The following ZC3HAV1 variants were observed in gnomAD, a reference collection of about 807,000 sequenced individuals.
ZC3HAV1 encodes zinc finger CCCH-type containing, antiviral 1, also known as zinc finger CCCH-type antiviral protein 1.
A neutral mutation model predicts 86.6 loss-of-function variants in ZC3HAV1; 41 were observed. The observed-to-expected ratio is 0.47, with a 90% CI of 0.37 to 0.61. ZC3HAV1 has a LOEUF of 0.61. ZC3HAV1 is among the 20% of genes least tolerant of loss of function. The pLI, the probability that ZC3HAV1 is intolerant of heterozygous loss-of-function variation, is 0.00. For missense variants in ZC3HAV1, 964 were observed against 1,141.1 expected (o/e 0.84, Z 2.24); for synonymous variants, 421 against 432.1 (o/e 0.97, Z 0.32).
Position 139,064,874 on chromosome 7 carries a change from C to A in ZC3HAV1, c.1993+5G>T. The A allele has an allele frequency of 6.2e-7, 1 of 1,614,080 alleles. No homozygotes were observed. The highest frequency in any genetic ancestry group is 8.5e-7 in the Non-Finnish European group (1 of 1,179,982). ...CACACAACACTGCCAAACACAGAAACCCACCTTGGAAACTCAGCTCATAGT... is the reference window on the plus strand; with the variant it reads ...CACACAACACTGCCAAACACAGAAAACCACCTTGGAAACTCAGCTCATAGT... On this transcript the variant is annotated splice_donor_5th_base_variant and intron_variant, in intron 8 of 12. Transcript: ENST00000242351.
intron 2 of ZC3HAV1, among the ~76,000 whole-genome samples, chr7:139,088,613 C>G (rs1404369440): frequency 1.3e-5 from 2 of 152,110 alleles, no homozygotes; most frequent in African/African-American, 4.8e-5. Context: ...AGTCTAGCTG[C>G]CCAACAACTC....
intron 3 of ZC3HAV1, 32 bp downstream of exon 3, chr7:139,083,748 G>C (rs1452647956): frequency 6.7e-7 from 1 of 1,484,514 alleles, no homozygotes; most frequent in South Asian, 1.3e-5. Flanking sequence ...AAAAAAAAGA[G>C]TTCACACAAT....
At chr7:139,097,982 T>C (rs1382428208) in intron 1 of ZC3HAV1, among the ~76,000 whole-genome samples, 2 of 152,064 alleles carry the variant, frequency 1.3e-5, no homozygotes, top group Admixed American at 6.6e-5. Flanking sequence ...TCTCACGCTG[T>C]CGCCCAGGTT....
chr7:139,051,600 C>CA (rs1816126390), intron 12 of ZC3HAV1, among the ~76,000 whole-genome samples: 1 of 151,880 alleles, frequency 6.6e-6, no homozygotes, highest in Non-Finnish European at 1.5e-5. Context: ...GTAATTAAAA[C>CA]AAAAAATTAG....
chr7:139,082,327 TA>T lies in ZC3HAV1; in HGVS notation c.697+1452del, dbSNP rs34559728. Among the ~76,000 whole-genome samples, 192 of 147,896 alleles carry T rather than the reference TA, an allele frequency of 1.3e-3. 2 individuals carry two copies. In the East Asian group the frequency reaches 0.031, roughly 24 times the overall value. ...TCATACTCCTTAGGATGGCTATTAT[TA>T]AAAAAAAAAATCAGAAAACACAAAA... On this transcript the variant is annotated intron_variant, in intron 3 of 12. Coordinates refer to ENST00000242351, the MANE Select transcript of ZC3HAV1 (RefSeq NM_020119.4).
At chr7:139,094,440 A>T (rs117382192) in intron 1 of ZC3HAV1, among the ~76,000 whole-genome samples, 1 of 150,806 alleles carries the variant, frequency 6.6e-6, no homozygotes, top group East Asian at 1.9e-4. Context: ...TGCTACCCAC[A>T]CTTGGAGCAG....
intron 1 of ZC3HAV1, among the ~76,000 whole-genome samples, chr7:139,102,293 C>T (rs1290637216): frequency 6.6e-6 from 1 of 152,082 alleles, no homozygotes; most frequent in Non-Finnish European, 1.5e-5. Context: ...GCCACTGTGT[C>T]CAACTAATTT....
At chr7:139,059,903 G>A (rs780692526) in intron 9 of ZC3HAV1, among the ~76,000 whole-genome samples, 4 of 152,162 alleles carry the variant, frequency 2.6e-5, no homozygotes, top group Admixed American at 6.5e-5. Flanking sequence ...CCAAGCAACC[G>A]TGAGGAAGGT....
At chr7:139,049,762 A>C (rs73732358) in intron 12 of ZC3HAV1, 2,154 of 152,866 alleles carry the variant, frequency 0.014, 42 homozygotes, top group African/African-American at 0.049. Context: ...TTGGGGTCAC[A>C]AACTGCGTGC....
chr7:139,083,772 G>T lies in ZC3HAV1; in HGVS notation c.697+8C>A, dbSNP rs748094390. ...AGTTCACACAATTGAAAAAGAAAAG[G>T]CCTTTACCTCTGGGCCCTGGGGGAT... On this transcript the variant is annotated splice_region_variant and intron_variant, in intron 3 of 12. Coordinates refer to ENST00000242351, the MANE Select transcript of ZC3HAV1 (RefSeq NM_020119.4). 1.9e-6 allele frequency: 3 copies of T among 1,598,554 alleles called. No homozygotes were observed. Among genetic ancestry groups the T allele is most frequent in the Admixed American group, 1.7e-5 (1 of 57,976 alleles).
chr7:139,096,941 G>T (rs114940618), intron 1 of ZC3HAV1, among the ~76,000 whole-genome samples: 12 of 122,258 alleles, frequency 9.8e-5, no homozygotes, highest in African/African-American at 4.5e-4. Flanking sequence ...AAGACCAGCC[G>T]GGGCAACATG....
intron 9 of ZC3HAV1, among the ~76,000 whole-genome samples, chr7:139,056,379 GTT>G (rs56128644): frequency 0.12 from 15,503 of 130,350 alleles, 1,870 homozygotes; most frequent in African/African-American, 0.3. Flanking sequence ...TGTTTTTATT[GTT>G]TTTTTTTTTT....
chr7:139,052,443 T>G (rs1179137489), intron 12 of ZC3HAV1, among the ~76,000 whole-genome samples: 1 of 148,412 alleles, frequency 6.7e-6, no homozygotes, highest in Non-Finnish European at 1.5e-5. Context: ...CAGTCTCTAC[T>G]GAAAATACAA....
chr7:139,079,641 C>T lies in ZC3HAV1; in HGVS notation c.1300G>A (p.Gly434Arg), dbSNP rs1817065415. Residue 434 changes from glycine to arginine, a missense_variant, in exon 4 of 13, where the codon GGA (glycine) becomes AGA (arginine). Physicochemically the swap from Gly to Arg is moderately radical, Grantham distance 125 (BLOSUM62 -2). Transcript: ENST00000242351. ...GTAGAAGTTATATCTGTGGCCACTC[C>T]ATCAGCATTATTATTAAAAAGAGGG... ...PGPLFNNNADGVATDITSTRS... is the reference protein window; with the variant it reads ...PGPLFNNNADRVATDITSTRS... 6.2e-7 allele frequency: 1 copy of T among 1,614,134 alleles called. No homozygotes were observed. Among genetic ancestry groups the T allele is most frequent in the Non-Finnish European group, 8.5e-7 (1 of 1,180,018 alleles).
chr7:139,097,498 G>A (rs1166124662), intron 1 of ZC3HAV1, among the ~76,000 whole-genome samples: 5 of 141,012 alleles, frequency 3.5e-5, no homozygotes, highest in African/African-American at 5.3e-5. Context: ...GCAGTGGCGC[G>A]ATCTCGGCTT....
At chr7:139,083,251 G>T (rs898953345) in intron 3 of ZC3HAV1, among the ~76,000 whole-genome samples, 3 of 145,658 alleles carry the variant, frequency 2.1e-5, no homozygotes, top group Non-Finnish European at 3.0e-5. Context: ...AACCTGGGGG[G>T]GGGGGCAATA....
At chr7:139,104,180 C>A (rs73732381) in intron 1 of ZC3HAV1, among the ~76,000 whole-genome samples, 1 of 151,956 alleles carries the variant, frequency 6.6e-6, no homozygotes, top group East Asian at 1.9e-4. Flanking sequence ...ATTCAACTTG[C>A]GAAACAGTCA....
chr7:139,066,343 G>A (rs1354552645), intron 7 of ZC3HAV1, among the ~76,000 whole-genome samples: 1 of 152,140 alleles, frequency 6.6e-6, no homozygotes, highest in Non-Finnish European at 1.5e-5. Flanking sequence ...CAGAATGTAC[G>A]TGTCCAAGGA....
rs536033866 is a variant in ZC3HAV1, at chr7:139,096,155, T to C, written c.309-6396A>G. ...TCAGCCTCCCGAGTAGCTGGAATTA[T>C]AGGCATGCACCACCACTCCCGGCTA... On this transcript the variant is annotated intron_variant, in intron 1 of 12. Coordinates refer to ENST00000242351, the MANE Select transcript of ZC3HAV1 (RefSeq NM_020119.4). 2.6e-4 allele frequency among the ~76,000 whole-genome samples: 40 copies of C among 152,232 alleles called. 1 individual carries two copies. The South Asian group carries it at 8.1e-3, about 31-fold the overall frequency.
Sources: allele counts gnomAD v4.1 joint callset (sites outside exome capture counted in the v4.1 genomes callset), GRCh38; gene constraint gnomAD v4.1.1; transcripts MANE v1.5; gene names NCBI Gene and HGNC (gene_info 2026-07-23, HGNC 2026-07-21).